The following ADGRB1 variants were observed in gnomAD, a reference collection of about 807,000 sequenced individuals.
ADGRB1 encodes brain-specific angiogenesis inhibitor 1.
Under a neutral mutation model 175.7 loss-of-function variants are expected in ADGRB1, and 36 were observed. That is an observed-to-expected ratio of 0.20 (90% CI 0.16 to 0.27). ADGRB1 has a LOEUF of 0.27. Ranked by LOEUF, ADGRB1 falls within the 10% of genes least tolerant of loss-of-function variation. ADGRB1 has a pLI of 1.00. For missense variants in ADGRB1, 1,731 were observed against 2,255.3 expected (o/e 0.77, Z 4.71); for synonymous variants, 1,054 against 979.4 (o/e 1.08, Z -1.42).
chr8:142,467,026 C>T (rs888513716), intron 2 of ADGRB1, among the ~76,000 whole-genome samples: 11 of 152,206 alleles, frequency 7.2e-5, no homozygotes, highest in African/African-American at 2.7e-4. Flanking sequence ...TAATAGTGCT[C>T]GGAACAGCGT....
chr8:142,499,644 G>C (rs370351498), intron 17 of ADGRB1, among the ~76,000 whole-genome samples: 2 of 152,160 alleles, frequency 1.3e-5, no homozygotes, highest in Non-Finnish European at 2.9e-5. Flanking sequence ...GGTTGGGAGC[G>C]GCTGGGGTGG....
rs1201504492 is a variant in ADGRB1 at position 142,464,341 on chromosome 8, A to G, written c.143A>G (p.Gln48Arg). The change falls in exon 2 of 31, where the codon CAG (glutamine) becomes CGG (arginine). Residue 48 changes from glutamine (Q) to arginine (R), a missense_variant. Coordinates refer to ENST00000517894, the MANE Select transcript of ADGRB1 (RefSeq NM_001702.3). Reference sequence around the variant, plus strand: ...CCCGAGCCGTGCGCCACGCTGGTGCAGGGAAAGTTCTTCGGCTACTTCTCC... The same window carrying G: ...CCCGAGCCGTGCGCCACGCTGGTGCGGGGAAAGTTCTTCGGCTACTTCTCC... Reference protein sequence around the residue: ...PGPEPCATLVQGKFFGYFSAA... With the variant: ...PGPEPCATLVRGKFFGYFSAA... 2.1e-5 allele frequency: 31 copies of G among 1,509,688 alleles called. No homozygotes were observed. Among genetic ancestry groups the G allele is most frequent in the Non-Finnish European group, 2.3e-5 (26 of 1,134,768 alleles). 93.5% of individuals were successfully genotyped at this position (1,509,688 alleles called of 1,614,324 possible).
intron 17 of ADGRB1, among the ~76,000 whole-genome samples, chr8:142,494,071 G>T (rs1232010332): frequency 2.0e-5 from 3 of 152,192 alleles, no homozygotes; most frequent in Non-Finnish European, 4.4e-5. Context: ...TTCTGTGTGT[G>T]AGGAGCACAG....
chr8:142,515,654 C>G lies in ADGRB1; in HGVS notation c.2818-2484C>G, dbSNP rs187250778. 3.5e-3 allele frequency among the ~76,000 whole-genome samples: 531 copies of G among 152,268 alleles called. 2 individuals are homozygous for G. Among genetic ancestry groups the G allele is most frequent in the African/African-American group, 0.012 (508 of 41,552 alleles). On this transcript the variant is annotated intron_variant, in intron 18 of 30. Coordinates refer to ENST00000517894, the MANE Select transcript of ADGRB1 (RefSeq NM_001702.3). ...CACCCTGTCTCCCACCTGTCCCTGT[C>G]CAGCTGGTTTCCTAGCCCTGGACCT...
At chr8:142,541,620 G>T (rs991018858) in intron 27 of ADGRB1, among the ~76,000 whole-genome samples, 1 of 152,222 alleles carries the variant, frequency 6.6e-6, no homozygotes, top group African/African-American at 2.4e-5. Context: ...GGGAGTCAAG[G>T]CCGCCCTCGC....
At chr8:142,478,908 G>A (rs1841167926) in intron 7 of ADGRB1, among the ~76,000 whole-genome samples, 1 of 149,150 alleles carries the variant, frequency 6.7e-6, no homozygotes, top group African/African-American at 2.5e-5. Context: ...TGGGGAAGTG[G>A]AGTGTGGGGT....
chr8:142,529,827 GGT>G (rs1289992084), intron 24 of ADGRB1, among the ~76,000 whole-genome samples: 1 of 148,622 alleles, frequency 6.7e-6, no homozygotes, highest in Non-Finnish European at 1.5e-5. Flanking sequence ...AGTGCAACCC[GGT>G]GTGTGTATGT....
chr8:142,485,514 G>A (rs531294315), intron 13 of ADGRB1, among the ~76,000 whole-genome samples: 1 of 152,188 alleles, frequency 6.6e-6, no homozygotes, highest in African/African-American at 2.4e-5. Flanking sequence ...AGCACAGTGA[G>A]ACCCTGTCTC....
In ADGRB1 at chr8:142,493,224, G is replaced by C. The variant is rs1469954895; in HGVS notation, c.2675+2409G>C. 6.6e-6 allele frequency among the ~76,000 whole-genome samples: 1 copy of C among 152,002 alleles called. No homozygotes were observed. Among genetic ancestry groups the C allele is most frequent in the Non-Finnish European group, 1.5e-5 (1 of 67,978 alleles). ...TGTGAGGGGCCTGTCCAGTGAGCCG[G>C]GACAAGGACACTGCCCCAGGGACCC... On this transcript the variant is annotated intron_variant, in intron 17 of 30. Coordinates refer to ENST00000517894, the MANE Select transcript of ADGRB1 (RefSeq NM_001702.3). The surrounding 1 kb of genome is among the most constrained non-coding windows in gnomAD (Gnocchi z 5.0).
intron 24 of ADGRB1, among the ~76,000 whole-genome samples, chr8:142,527,512 C>T (rs575654874): frequency 7.2e-5 from 11 of 152,118 alleles, no homozygotes; most frequent in Middle Eastern, 3.4e-3. Context: ...AGGAACCAGC[C>T]GAGCTGGTGT....
At chr8:142,452,407 C>T (rs921243539) in intron 1 of ADGRB1, among the ~76,000 whole-genome samples, 11 of 152,310 alleles carry the variant, frequency 7.2e-5, no homozygotes, top group Admixed American at 5.9e-4. Context: ...TTCGTCGCCT[C>T]GGCCTCAGGC....
At chr8:142,528,751 C>A (rs1479908713) in intron 24 of ADGRB1, among the ~76,000 whole-genome samples, 1 of 152,144 alleles carries the variant, frequency 6.6e-6, no homozygotes, top group Admixed American at 6.5e-5. Context: ...CCTTTTCTAC[C>A]GTCCACTCTG....
intron 1 of ADGRB1, among the ~76,000 whole-genome samples, chr8:142,450,892 G>C (rs1429779765): frequency 6.6e-6 from 1 of 152,126 alleles, no homozygotes; most frequent in African/African-American, 2.4e-5. Flanking sequence ...TCTCAACTTT[G>C]GGCCGGCCCT....
rs117250494 is a variant in ADGRB1 at position 142,532,168 on chromosome 8, G to A, written c.3399-1127G>A. Among the ~76,000 whole-genome samples the A allele has an allele frequency of 8.0e-4, 122 of 152,202 alleles. 1 individual carries two copies. In the East Asian group the frequency reaches 0.017, roughly 22 times the overall value. ...GGAGGAGGGGAGGAGGGAAGCTGGC[G>A]CCAGCACCCATTCCGGGTGGTGATG... On this transcript the variant is annotated intron_variant, in intron 24 of 30. Transcript: ENST00000517894.
At chr8:142,528,141 A>G (rs1467329826) in intron 24 of ADGRB1, among the ~76,000 whole-genome samples, 2 of 152,226 alleles carry the variant, frequency 1.3e-5, no homozygotes, top group Non-Finnish European at 2.9e-5. Flanking sequence ...ACGCATGGGC[A>G]CACACACGTG....
intron 27 of ADGRB1, among the ~76,000 whole-genome samples, chr8:142,541,588 C>G (rs1192709661): frequency 6.6e-6 from 1 of 152,226 alleles, no homozygotes; most frequent in Non-Finnish European, 1.5e-5. Flanking sequence ...ACAGACCGTT[C>G]TGCCTGTGTC....
In ADGRB1 at chr8:142,543,123, G is replaced by A. The variant is rs755519998; in HGVS notation, c.4414-280G>A. ...CCTGAGTTCTCTGTCGGGGGACCCA[G>A]CCATGTGGCCCCAAGTTCAGGTCTC... On this transcript the variant is annotated intron_variant, in intron 28 of 30. Coordinates refer to ENST00000517894, the MANE Select transcript of ADGRB1 (RefSeq NM_001702.3). The surrounding 1 kb of genome is among the most constrained non-coding windows in gnomAD (Gnocchi z 4.4). Among the ~76,000 whole-genome samples, 18 of 152,202 alleles carry A rather than the reference G, an allele frequency of 1.2e-4. No individual in the cohort carries two copies. Among genetic ancestry groups the A allele is most frequent in the Non-Finnish European group, 8.8e-5 (6 of 68,024 alleles).
rs1203054603 is a variant in ADGRB1 at position 142,464,868 on chromosome 8, G to A, written c.670G>A (p.Ala224Thr). The change falls in exon 2 of 31, where the codon GCC (alanine) becomes ACC (threonine). Residue 224 changes from alanine (A) to threonine (T), a missense_variant. Physicochemically the swap from Ala to Thr is moderately conservative, Grantham distance 58. This residue lies in a region of ADGRB1 where 383 missense variants were observed against 383.1 expected (regional missense o/e 1.00). Transcript: ENST00000517894. ...CCTGGGCGGCGAGGCGGGCGGCCCT[G>A]CCGCGGGACCCCTGGCCCCCCGCGG... ...ACLGGEAGGP[A>T]AGPLAPRGDV... is the part of the protein sequence containing the mutation. The A allele has an allele frequency of 2.6e-6, 4 of 1,521,774 alleles. No homozygotes were observed. Among genetic ancestry groups the A allele is most frequent in the Non-Finnish European group, 3.5e-6 (4 of 1,140,446 alleles). The allele number at this position is 1,521,774 out of a possible 1,614,324, so 94.3% of individuals were successfully genotyped here.
intron 1 of ADGRB1, among the ~76,000 whole-genome samples, chr8:142,456,243 A>C (rs1450564696): frequency 1.3e-5 from 2 of 152,190 alleles, no homozygotes; most frequent in East Asian, 3.9e-4. Flanking sequence ...CCACATGCAC[A>C]CATAGACCCG....
Sources: gnomAD v4.1 joint callset for allele counts (sites outside exome capture counted in the v4.1 genomes callset) on GRCh38, gnomAD v4.1.1 for gene constraint, gnomAD v4.1.1 regional missense constraint, Gnocchi (gnomAD v3.1) non-coding constraint, MANE v1.5 for transcripts, NCBI Gene and HGNC (gene_info 2026-07-23, HGNC 2026-07-21) for gene names.